Variants in MLIP observed in about 807,000 individuals in gnomAD.
MLIP encodes muscular LMNA interacting protein.
Under a neutral mutation model 84.8 loss-of-function variants are expected in MLIP, and 79 were observed. The ratio of observed to expected loss-of-function variants is 0.93; its 90% CI spans 0.78 to 1.12. The LOEUF is 1.12. Among genes scored for constraint, MLIP ranks in the 50% most tolerant of loss-of-function variants. The pLI, the probability that MLIP is intolerant of heterozygous loss-of-function variation, is 0.00. For synonymous variants in MLIP, 504 were observed against 463.0 expected (o/e 1.09, Z -1.14); for missense variants, 1,257 against 1,160.6 (o/e 1.08, Z -1.21).
At position 54,169,582 on chromosome 6, in the gene MLIP, T is replaced by C; in HGVS notation, c.2544+10T>C. The C allele has an allele frequency of 6.3e-7, 1 of 1,576,752 alleles. No homozygotes were observed. Among genetic ancestry groups the C allele is most frequent in the Non-Finnish European group, 8.6e-7 (1 of 1,157,718 alleles). On this transcript the variant is annotated intron_variant, in intron 9 of 13. Transcript: ENST00000502396. ...TCGAGAAACCAAATATGTAAGTACC[T>C]TTATAATTATACACACTGCTTTTCA...
At chr6:54,143,174 A>C (rs1772469195) in intron 4 of MLIP, among the ~76,000 whole-genome samples, 1 of 150,944 alleles carries the variant, frequency 6.6e-6, no homozygotes, top group South Asian at 2.1e-4. Flanking sequence ...GATTGACAAA[A>C]GCTTGTCTTC....
intron 13 of MLIP, among the ~76,000 whole-genome samples, chr6:54,262,492 A>C (rs1324005174): frequency 6.6e-6 from 1 of 152,040 alleles, no homozygotes; most frequent in Admixed American, 6.6e-5. Flanking sequence ...TGGGATGACA[A>C]TCTGTGTCTG....
intron 9 of MLIP, among the ~76,000 whole-genome samples, chr6:54,175,633 C>CT (rs1378960320): frequency 2.6e-5 from 4 of 151,852 alleles, no homozygotes; most frequent in Non-Finnish European, 5.9e-5. Flanking sequence ...TTGTTCAGTT[C>CT]TAATAGTTTT....
rs539508586 is a variant in MLIP at position 54,083,634 on chromosome 6, A to G, written c.64-37813A>G. On this transcript the variant is annotated intron_variant, in intron 1 of 12. Coordinates refer to the MLIP transcript ENST00000274897. ...AATGTTCTGTGAGTTCTATGACATT[A>G]TTAGTACAATTCCTTGATACTGTCA... 6.5e-5 allele frequency: 100 copies of G among 1,535,754 alleles called. No individual in the cohort carries two copies. The African/African-American group carries it at 1.2e-3, about 19-fold the overall frequency.
upstream of MLIP, among the ~76,000 whole-genome samples, chr6:54,107,802 C>A (rs540095582): frequency 6.6e-6 from 1 of 152,256 alleles, no homozygotes; most frequent in East Asian, 1.9e-4. Context: ...TCGTGACTGG[C>A]ACTCAATAGA....
At chr6:54,201,408 C>T (rs1057116004) in intron 10 of MLIP, among the ~76,000 whole-genome samples, 3 of 152,218 alleles carry the variant, frequency 2.0e-5, no homozygotes, top group African/African-American at 7.2e-5. Context: ...GGTGTCTCTC[C>T]TTTCTGGGCT....
chr6:54,054,733 TAA>T (rs1765557409), intron 1 of MLIP, among the ~76,000 whole-genome samples: 1 of 152,222 alleles, frequency 6.6e-6, no homozygotes, highest in Non-Finnish European at 1.5e-5. Context: ...AGCTTCCCGT[TAA>T]AGTCAGTGTG....
intron 1 of MLIP, among the ~76,000 whole-genome samples, chr6:54,117,211 CTTTT>C (rs200691416): frequency 8.5e-6 from 1 of 117,828 alleles, no homozygotes; most frequent in African/African-American, 3.1e-5. Flanking sequence ...CTATTTCTGT[CTTTT>C]TTTTTTTTTT....
chr6:54,183,551 A>G (rs763665362), intron 9 of MLIP, among the ~76,000 whole-genome samples: 1 of 151,928 alleles, frequency 6.6e-6, no homozygotes, highest in South Asian at 2.1e-4. Flanking sequence ...CATATAAACT[A>G]TGACTTTTAC....
chr6:54,142,879 C>T (rs1396617742), intron 4 of MLIP, among the ~76,000 whole-genome samples: 1 of 151,852 alleles, frequency 6.6e-6, no homozygotes, highest in Non-Finnish European at 1.5e-5. Flanking sequence ...ATTCACCAAA[C>T]ATCAGAGCCA....
At chr6:54,143,389 A>G (rs1772498397) in intron 4 of MLIP, among the ~76,000 whole-genome samples, 1 of 152,022 alleles carries the variant, frequency 6.6e-6, no homozygotes, top group Admixed American at 6.6e-5. Flanking sequence ...TATTTTTAGT[A>G]GAGACGGGGT....
chr6:54,255,121 C>T (rs1024301035), intron 12 of MLIP, among the ~76,000 whole-genome samples: 6 of 152,122 alleles, frequency 3.9e-5, no homozygotes, highest in African/African-American at 1.4e-4. Flanking sequence ...TACTATATGT[C>T]ATACTCCATT....
intron 1 of MLIP, among the ~76,000 whole-genome samples, chr6:54,094,786 G>A (rs563351924): frequency 3.4e-4 from 51 of 152,114 alleles, no homozygotes; most frequent in African/African-American, 1.2e-3. Context: ...CAGAAACTTA[G>A]CATCTGTTTC....
At chr6:54,156,846 G>T (rs1774083395) in intron 5 of MLIP, among the ~76,000 whole-genome samples, 1 of 152,078 alleles carries the variant, frequency 6.6e-6, no homozygotes, top group Admixed American at 6.6e-5. Flanking sequence ...GTCCAGTAGG[G>T]TAAAGATATA....
At chr6:54,238,358 C>T (rs2150827359) in intron 12 of MLIP, among the ~76,000 whole-genome samples, 2 of 152,290 alleles carry the variant, frequency 1.3e-5, no homozygotes, top group Middle Eastern at 3.4e-3. Context: ...CAAGGTAAAC[C>T]TCTCTTTTTA....
rs114094326 is a variant in MLIP, at chr6:54,225,245, G to A, written c.2719-5469G>A. Among the ~76,000 whole-genome samples, 898 of 152,216 alleles carry A rather than the reference G, an allele frequency of 5.9e-3. 12 individuals are homozygous for A. Among genetic ancestry groups the A allele is most frequent in the African/African-American group, 0.02 (848 of 41,522 alleles). On this transcript the variant is annotated intron_variant, in intron 11 of 13. Coordinates refer to ENST00000502396, the MANE Select transcript of MLIP (RefSeq NM_001281747.2). Reference sequence around the variant, plus strand: ...ATATATTTTACCTTACACAAGCCTAGATGGTATAGCCTACTACACACCTAA... The same window carrying A: ...ATATATTTTACCTTACACAAGCCTAAATGGTATAGCCTACTACACACCTAA...
chr6:54,177,895 G>A (rs1188181489), intron 9 of MLIP, among the ~76,000 whole-genome samples: 1 of 152,122 alleles, frequency 6.6e-6, no homozygotes, highest in Non-Finnish European at 1.5e-5. Flanking sequence ...TCTTTTGCGG[G>A]AACATGGATG....
chr6:54,190,935 A>G (rs1683287165), intron 10 of MLIP, among the ~76,000 whole-genome samples: 1 of 151,240 alleles, frequency 6.6e-6, no homozygotes, highest in African/African-American at 2.4e-5. Flanking sequence ...AGCTGGGACT[A>G]CAGGCGCCCG....
intron 4 of MLIP, among the ~76,000 whole-genome samples, chr6:54,148,235 C>T (rs1311587328): frequency 6.6e-6 from 1 of 152,138 alleles, no homozygotes; most frequent in East Asian, 1.9e-4. Context: ...GAGCCTTGAA[C>T]TCAGTTCATC....
Sources: allele counts gnomAD v4.1 joint callset (sites outside exome capture counted in the v4.1 genomes callset), GRCh38; gene constraint gnomAD v4.1.1; transcripts MANE v1.5; gene names NCBI Gene and HGNC (gene_info 2026-07-23, HGNC 2026-07-21).